EPS15: variants seen among roughly 807,000 people sequenced by gnomAD.
EPS15 encodes epidermal growth factor receptor substrate 15.
Under a neutral mutation model 113.8 loss-of-function variants are expected in EPS15, and 72 were observed. The ratio of observed to expected loss-of-function variants is 0.63; its 90% CI spans 0.52 to 0.77. EPS15 has a LOEUF of 0.77. Ranked by LOEUF, EPS15 falls within the 30% of genes least tolerant of loss-of-function variation. The pLI is 0.00. For synonymous variants in EPS15, 344 were observed against 363.4 expected (o/e 0.95, Z 0.61); for missense variants, 1,048 against 1,045.8 (o/e 1.00, Z -0.03).
intron 1 of EPS15, among the ~76,000 whole-genome samples, chr1:51,488,490 A>AAC (rs1553135710): frequency 5.3e-5 from 8 of 150,258 alleles, no homozygotes; most frequent in Non-Finnish European, 1.0e-4. Context: ...AAAAAAAAAA[A>AAC]AAAAAACTCA....
intron 21 of EPS15, among the ~76,000 whole-genome samples, chr1:51,384,671 T>C (rs998621566): frequency 6.6e-6 from 1 of 152,154 alleles, no homozygotes; most frequent in Non-Finnish European, 1.5e-5. Flanking sequence ...ACAAAGTTGG[T>C]AGTCAAACTT....
At chr1:51,386,354 C>A (rs1333284689) in intron 21 of EPS15, among the ~76,000 whole-genome samples, 1 of 152,172 alleles carries the variant, frequency 6.6e-6, no homozygotes, top group Non-Finnish European at 1.5e-5. Context: ...TGTGGGAGCA[C>A]TGAGCTGGGT....
chr1:51,468,342 G>A (rs904727837), intron 5 of EPS15, 131 bp downstream of exon 5: 8 of 707,874 alleles, frequency 1.1e-5, no homozygotes, highest in Non-Finnish European at 2.0e-5. Flanking sequence ...CCAGTAGGGG[G>A]AAAAAAGCCA....
intron 11 of EPS15, among the ~76,000 whole-genome samples, chr1:51,444,016 A>G (rs1354070245): frequency 6.6e-6 from 1 of 151,714 alleles, no homozygotes; most frequent in Non-Finnish European, 1.5e-5. Flanking sequence ...TTAATGCAAA[A>G]CCCAAAATAT....
intron 1 of EPS15, among the ~76,000 whole-genome samples, chr1:51,509,249 A>ATTTTTTTTTTTTTTTTTT (rs1644576877): frequency 6.6e-6 from 1 of 152,068 alleles, no homozygotes; most frequent in African/African-American, 2.4e-5. Flanking sequence ...ATATAATTTC[A>ATTTTTTTTTTTTTTTTTT]TATTTTTTAT....
chr1:51,460,299 G>A lies in EPS15; in HGVS notation c.561+792C>T, dbSNP rs145864003. ...AAAGTTTTATCAAACCTTTAAGGAA[G>A]AGGTGAATACAACCATATTTGGAAT... On this transcript the variant is annotated intron_variant, in intron 8 of 24. Transcript: ENST00000371733. 6.9e-4 allele frequency among the ~76,000 whole-genome samples: 105 copies of A among 152,320 alleles called. No individual in the cohort carries two copies. In the East Asian group the frequency reaches 0.015, roughly 21 times the overall value.
At chr1:51,399,226 C>A in intron 19 of EPS15, 61 bp from the exon 20 acceptor site, 1 of 1,527,756 alleles carries the variant, frequency 6.5e-7, no homozygotes, top group South Asian at 1.2e-5. Flanking sequence ...AATTTCCCAT[C>A]ACTTGAAGGT....
intron 21 of EPS15, among the ~76,000 whole-genome samples, chr1:51,393,966 C>G (rs1244914850): frequency 1.3e-5 from 2 of 152,126 alleles, no homozygotes; most frequent in African/African-American, 4.8e-5. Flanking sequence ...GCTAAAATAA[C>G]ATTTAGCTTT....
At chr1:51,363,297 C>CA (rs34317809) in intron 23 of EPS15, among the ~76,000 whole-genome samples, 9,555 of 76,380 alleles carry the variant, frequency 0.13, 543 homozygotes, top group African/African-American at 0.22. Flanking sequence ...GATTCCATCT[C>CA]AAAAAAAAAA....
intron 1 of EPS15, 60 bp downstream of exon 1, chr1:51,519,139 A>G: frequency 8.1e-7 from 1 of 1,238,112 alleles, no homozygotes; most frequent in Non-Finnish European, 1.1e-6. Flanking sequence ...GGCGAAGCTG[A>G]GGGCGGTGGG....
In EPS15 at chr1:51,361,272, G is replaced by T. The variant is rs1646379380; in HGVS notation, c.2443C>A (p.Pro815Thr). The T allele has an allele frequency of 6.2e-7, 1 of 1,613,552 alleles. No individual in the cohort carries two copies. Among genetic ancestry groups the T allele is most frequent in the Non-Finnish European group, 8.5e-7 (1 of 1,179,652 alleles). The stretch of plus-strand genomic sequence containing the variant: ...AATATTTCAGGATCTTTTTCTTTGG[G>T]GCTATCGTTGCCTGGGAAAGGCTGA... ...PFQPFPGNDS[P>T]KEKDPEIFCD... The change falls in exon 24 of 25, where the codon CCC (proline) becomes ACC (threonine). Residue 815 changes from proline (P) to threonine (T), a missense_variant. Pro to Thr is a conservative substitution (Grantham distance 38). Coordinates refer to ENST00000371733, the MANE Select transcript of EPS15 (RefSeq NM_001981.3).
At chr1:51,472,243 C>A (rs948181205) in intron 3 of EPS15, among the ~76,000 whole-genome samples, 1 of 152,090 alleles carries the variant, frequency 6.6e-6, no homozygotes, top group Non-Finnish European at 1.5e-5. Context: ...CAGTCACATG[C>A]CTTTTTCATT....
intron 8 of EPS15, among the ~76,000 whole-genome samples, chr1:51,450,437 T>C (rs1653448825): frequency 6.6e-6 from 1 of 151,716 alleles, no homozygotes; most frequent in Admixed American, 6.6e-5. Flanking sequence ...ACGTGTCACA[T>C]GGCAAGAGCA....
chr1:51,434,190 T>G (rs1269509454), intron 12 of EPS15, among the ~76,000 whole-genome samples: 1 of 152,226 alleles, frequency 6.6e-6, no homozygotes, highest in African/African-American at 2.4e-5. Flanking sequence ...ATTCCACTTT[T>G]GCAAATATAC....
intron 1 of EPS15, among the ~76,000 whole-genome samples, chr1:51,487,684 T>C (rs982073622): frequency 6.6e-6 from 1 of 152,218 alleles, no homozygotes; most frequent in Non-Finnish European, 1.5e-5. Context: ...CTCCAACCTG[T>C]GCCTTAATAA....
chr1:51,463,674 C>T lies in EPS15; in HGVS notation c.500G>A (p.Arg167Lys). The change falls in exon 7 of 25, where the codon AGA (arginine) becomes AAA (lysine). Residue 167 changes from arginine to lysine, a missense_variant and splice_region_variant. By Grantham distance (26) the Arg-to-Lys change is conservative. Transcript: ENST00000371733. Reference sequence around the variant, plus strand: ...ATTTCGGAGTAAATAATATCTTACTCTTCCAAGGATATCCACAGGTAACTT... The same window carrying T: ...ATTTCGGAGTAAATAATATCTTACTTTTCCAAGGATATCCACAGGTAACTT... ...NSKLPVDILG[R>K]VWELSDIDHD... is the part of the protein sequence containing the mutation. The T allele has an allele frequency of 1.9e-6, 3 of 1,578,422 alleles. No individual in the cohort carries two copies. Among genetic ancestry groups the T allele is most frequent in the Non-Finnish European group, 2.6e-6 (3 of 1,152,072 alleles).
chr1:51,372,390 T>C (rs571596363), intron 21 of EPS15: 81 of 536,516 alleles, frequency 1.5e-4, no homozygotes, highest in South Asian at 9.1e-4. Flanking sequence ...TTTGGGGTCA[T>C]GGCAGACAAA....
chr1:51,394,669 G>T (rs1222072615), intron 20 of EPS15, among the ~76,000 whole-genome samples: 3 of 152,114 alleles, frequency 2.0e-5, no homozygotes, highest in African/African-American at 7.2e-5. Flanking sequence ...ATTCAGAAAA[G>T]TACATGAAAC....
chr1:51,403,312 C>G (rs1008647702), intron 17 of EPS15, 107 bp downstream of exon 17: 2 of 515,644 alleles, frequency 3.9e-6, no homozygotes, highest in Non-Finnish European at 6.8e-6. Context: ...ATGTATCTAT[C>G]ATCTGAATAA....
Sources: allele counts gnomAD v4.1 joint callset (sites outside exome capture counted in the v4.1 genomes callset), GRCh38; gene constraint gnomAD v4.1.1; transcripts MANE v1.5; gene names NCBI Gene and HGNC (gene_info 2026-07-23, HGNC 2026-07-21).